NEDD4L: variants seen among roughly 807,000 people sequenced by gnomAD.
The protein encoded by NEDD4L is E3 ubiquitin-protein ligase NEDD4-like.
A neutral mutation model predicts 148.9 loss-of-function variants in NEDD4L; 54 were observed. That is an observed-to-expected ratio of 0.36 (90% CI 0.29 to 0.45). The LOEUF (loss-of-function observed/expected upper bound fraction) is 0.45. Ranked by LOEUF, NEDD4L falls within the 20% of genes least tolerant of loss-of-function variation. The pLI, the probability that NEDD4L is intolerant of heterozygous loss-of-function variation, is 1.00. For synonymous variants in NEDD4L, 433 were observed against 440.7 expected (o/e 0.98, Z 0.22); for missense variants, 856 against 1,233.8 (o/e 0.69, Z 4.59).
intron 3 of NEDD4L, among the ~76,000 whole-genome samples, chr18:58,248,093 G>GT (rs1207420852): frequency 2.0e-5 from 3 of 151,950 alleles, no homozygotes. Flanking sequence ...TGAAGTGATG[G>GT]TTTTTTTTTA....
chr18:58,376,319 T>C (rs1161894258), intron 24 of NEDD4L, among the ~76,000 whole-genome samples: 1 of 152,158 alleles, frequency 6.6e-6, no homozygotes, highest in Non-Finnish European at 1.5e-5. Flanking sequence ...CTTCTGACTT[T>C]TGGGTAGGAT....
At chr18:58,203,614 CTT>C (rs11364816) in intron 2 of NEDD4L, among the ~76,000 whole-genome samples, 17 of 143,246 alleles carry the variant, frequency 1.2e-4, no homozygotes, top group African/African-American at 2.0e-4. Flanking sequence ...AACAGATGAT[CTT>C]TTTTTTTTTT....
intron 2 of NEDD4L, among the ~76,000 whole-genome samples, chr18:58,205,570 G>A (rs534265268): frequency 3.1e-4 from 47 of 152,084 alleles, no homozygotes; most frequent in African/African-American, 9.6e-4. Context: ...GGACTGTGGA[G>A]TGTGTCAGTT....
At chr18:58,113,323 T>C (rs2085533829) in intron 1 of NEDD4L, among the ~76,000 whole-genome samples, 1 of 152,184 alleles carries the variant, frequency 6.6e-6, no homozygotes, top group African/African-American at 2.4e-5. Context: ...TATGGTCTAG[T>C]TGGGGAAATA....
intron 2 of NEDD4L, among the ~76,000 whole-genome samples, chr18:58,236,403 TTTC>T (rs1336041620): frequency 1.3e-5 from 2 of 152,088 alleles, no homozygotes; most frequent in Non-Finnish European, 2.9e-5. Flanking sequence ...TGGGTTAACG[TTTC>T]TTCTTCTAAC....
chr18:58,082,102 AT>A lies in NEDD4L; in HGVS notation c.48+37413del, dbSNP rs1192932128. ...TGAATATATATATATATATATATAT[AT>A]TTTTTTTTTTTTTTTTTTCTTGAGA... is the stretch of plus-strand genomic sequence containing the variant. On this transcript the variant is annotated intron_variant, in intron 1 of 30. Transcript: ENST00000400345. 2.5e-3 allele frequency among the ~76,000 whole-genome samples: 122 copies of A among 48,832 alleles called. 1 individual carries two copies. Among genetic ancestry groups the A allele is most frequent in the East Asian group, 5.5e-3 (9 of 1,648 alleles). 32.0% of individuals were successfully genotyped at this position (48,832 alleles called of 152,430 possible).
intron 2 of NEDD4L, among the ~76,000 whole-genome samples, chr18:58,201,228 GAAGCTGAGGC>G (rs1216199437): frequency 2.0e-5 from 3 of 152,024 alleles, no homozygotes; most frequent in Non-Finnish European, 4.4e-5. Context: ...AGCTACTTGG[GAAGCTGAGGC>G]AGGAGAATTG....
chr18:58,184,649 C>T (rs995617008), intron 2 of NEDD4L, among the ~76,000 whole-genome samples: 1 of 152,108 alleles, frequency 6.6e-6, no homozygotes, highest in Non-Finnish European at 1.5e-5. Flanking sequence ...GTTCTCCTGT[C>T]TGGGCGTGGT....
chr18:58,195,731 CTGGTAAG>C, intron 2 of NEDD4L: 1 of 1,350,656 alleles, frequency 7.4e-7, no homozygotes. Context: ...TGCCTGGAAT[CTGGTAAG>C]TGCCACCGAA....
intron 2 of NEDD4L, among the ~76,000 whole-genome samples, chr18:58,234,311 C>T (rs1310376147): frequency 7.4e-6 from 1 of 135,384 alleles, no homozygotes; most frequent in Non-Finnish European, 1.6e-5. Flanking sequence ...TCCCTTTCCC[C>T]CTTCCTCCCT....
intron 1 of NEDD4L, among the ~76,000 whole-genome samples, chr18:58,152,283 G>A (rs1416789052): frequency 6.6e-6 from 1 of 152,138 alleles, no homozygotes; most frequent in East Asian, 1.9e-4. Context: ...CAACACTCAG[G>A]ACCTGTTCAG....
Position 58,165,772 on chromosome 18 carries a change from G to C in NEDD4L, c.49-16G>C. On this transcript the variant is annotated splice_polypyrimidine_tract_variant and intron_variant, in intron 1 of 30. Transcript: ENST00000400345. ...GATCAGGTTTTTAACCTCTTTTTTT[G>C]TTCTCCTTCTCACAGGGAGAGTCCC... The C allele has an allele frequency of 2.5e-6, 4 of 1,604,462 alleles. No individual in the cohort carries two copies. Among genetic ancestry groups the C allele is most frequent in the East Asian group, 4.5e-5 (2 of 44,804 alleles).
chr18:58,161,309 G>T (rs1568307726), intron 1 of NEDD4L, among the ~76,000 whole-genome samples: 1 of 152,198 alleles, frequency 6.6e-6, no homozygotes, highest in African/African-American at 2.4e-5. Context: ...GGGATTACAG[G>T]CATGAGCCAC....
chr18:58,108,435 T>G (rs2085213160), intron 1 of NEDD4L, among the ~76,000 whole-genome samples: 1 of 152,246 alleles, frequency 6.6e-6, no homozygotes, highest in Non-Finnish European at 1.5e-5. Flanking sequence ...TTATGTTTAT[T>G]TTTTGAGACA....
At chr18:58,183,784 G>T (rs1599458875) in intron 2 of NEDD4L, among the ~76,000 whole-genome samples, 2 of 152,196 alleles carry the variant, frequency 1.3e-5, no homozygotes, top group Non-Finnish European at 2.9e-5. Flanking sequence ...GAACATTGCA[G>T]GTGGAAACAT....
At chr18:58,338,564 G>A (rs1447915295) in intron 13 of NEDD4L, among the ~76,000 whole-genome samples, 1 of 152,202 alleles carries the variant, frequency 6.6e-6, no homozygotes, top group Admixed American at 6.5e-5. Flanking sequence ...TCAGCGTTCT[G>A]TACTACACTC....
intron 2 of NEDD4L, among the ~76,000 whole-genome samples, chr18:58,211,944 T>G (rs1433045709): frequency 6.6e-6 from 1 of 152,152 alleles, no homozygotes; most frequent in South Asian, 2.1e-4. Flanking sequence ...AGCACAGACC[T>G]CTATCTAATA....
intron 26 of NEDD4L, 105 bp from the exon 27 acceptor site, chr18:58,387,334 G>A: frequency 7.9e-7 from 1 of 1,271,846 alleles, no homozygotes; most frequent in Non-Finnish European, 1.1e-6. Context: ...ATCATCAGGA[G>A]AGATTATATT....
At chr18:58,277,083 A>G (rs551439410) in intron 5 of NEDD4L, among the ~76,000 whole-genome samples, 4 of 152,190 alleles carry the variant, frequency 2.6e-5, no homozygotes, top group African/African-American at 7.2e-5. Context: ...GGGGGACTGC[A>G]TGGTAGGTCT....
Sources: allele counts gnomAD v4.1 joint callset (sites outside exome capture counted in the v4.1 genomes callset), GRCh38; gene constraint gnomAD v4.1.1; transcripts MANE v1.5; gene names NCBI Gene and HGNC (gene_info 2026-07-23, HGNC 2026-07-21).